Variants in MMP11 observed in about 807,000 individuals in gnomAD.
The protein encoded by MMP11 is matrix metallopeptidase 11, also known as stromelysin-3.
A neutral mutation model predicts 49.5 loss-of-function variants in MMP11; 26 were observed. The observed-to-expected ratio is 0.52, with a 90% CI of 0.38 to 0.73. The LOEUF is 0.73. MMP11 is among the 30% of genes least tolerant of loss of function. The probability of loss-of-function intolerance (pLI) is 0.00; values close to 1 mark genes in which losing one functional copy is unlikely to be tolerated. For missense variants in MMP11, 624 were observed against 671.2 expected (o/e 0.93, Z 0.78); for synonymous variants, 265 against 282.3 (o/e 0.94, Z 0.62).
intron 6 of MMP11, chr22:23,781,760 G>C (rs1927642499): frequency 1.6e-6 from 1 of 611,646 alleles, no homozygotes; most frequent in African/African-American, 1.8e-5. Context: ...AGGCAGGGCA[G>C]GGAATTGATC....
At position 23,780,685 on chromosome 22, in the gene MMP11, G is replaced by T; in HGVS notation, c.586G>T (p.Asp196Tyr). 1 of 1,572,186 alleles carries T rather than the reference G, an allele frequency of 6.4e-7. No individual in the cohort carries two copies. Among genetic ancestry groups the T allele is most frequent in the Non-Finnish European group, 8.6e-7 (1 of 1,161,840 alleles). ...AGAAGGGGATGTCCACTTCGACTATGATGAGACCTGGACTATCGGGGATGA... is the reference window on the plus strand; with the variant it reads ...AGAAGGGGATGTCCACTTCGACTATTATGAGACCTGGACTATCGGGGATGA... ...HREGDVHFDY[D>Y]ETWTIGDDQG... The change falls in exon 4 of 8, where the codon GAT (aspartate) becomes TAT (tyrosine). Residue 196 changes from aspartate (D) to tyrosine (Y), a missense_variant. Transcript: ENST00000215743. The surrounding 1 kb of genome is among the most constrained non-coding windows in gnomAD (Gnocchi z 4.6).
Position 23,779,401 on chromosome 22 carries a change from C to G in MMP11, c.323C>G (p.Thr108Arg), listed in dbSNP as rs149825656. 1.9e-5 allele frequency: 30 copies of G among 1,611,532 alleles called. No individual in the cohort carries two copies. Among genetic ancestry groups the G allele is most frequent in the Non-Finnish European group, 2.5e-5 (30 of 1,179,322 alleles). ...CTTTCTGGCGGGCGCTGGGAGAAGA[C>G]GGACCTCACCTACAGGTAGGGGCCT... ...FVLSGGRWEKTDLTYRILRFP... is the reference protein window; with the variant it reads ...FVLSGGRWEKRDLTYRILRFP... The change falls in exon 2 of 8, where the codon ACG becomes AGG. Residue 108 changes from threonine to arginine, a missense_variant. Transcript: ENST00000215743.
In MMP11 at chr22:23,781,309, G is replaced by A; in HGVS notation, c.975G>A (p.Gln325=). Residue 325 remains glutamine (Q), a synonymous_variant, in exon 6 of 8, where the codon CAG becomes CAA. Coordinates refer to ENST00000215743, the MANE Select transcript of MMP11 (RefSeq NM_005940.5). ...FVWRLRGGQL[Q]PGYPALASRH... ...GGCGCCTCCGTGGGGGCCAGCTGCA[G>A]CCCGGCTACCCAGCATTGGCCTCTC... 6.2e-7 allele frequency: 1 copy of A among 1,613,000 alleles called. No homozygotes were observed. The highest frequency in any genetic ancestry group is 8.5e-7 in the Non-Finnish European group (1 of 1,179,976).
In MMP11 at chr22:23,781,398, G is replaced by T; in HGVS notation, c.1064G>T (p.Trp355Leu). The T allele has an allele frequency of 6.2e-7, 1 of 1,603,970 alleles. No homozygotes were observed. Among genetic ancestry groups the T allele is most frequent in the Non-Finnish European group, 8.5e-7 (1 of 1,175,198 alleles). The change falls in exon 6 of 8, where the codon TGG becomes TTG. Residue 355 changes from tryptophan (W) to leucine (L), a missense_variant. Trp to Leu is a moderately conservative substitution (Grantham distance 61). Coordinates refer to ENST00000215743, the MANE Select transcript of MMP11 (RefSeq NM_005940.5). ...AAFEDAQGHIWFFQGAQYWVY... is the reference protein window; with the variant it reads ...AAFEDAQGHILFFQGAQYWVY... ...TTCGAGGATGCCCAGGGCCACATTT[G>T]GTTCTTCCAAGGTGAGTGGGGGTTG...
chr22:23,779,335 C>A lies in MMP11; in HGVS notation c.257C>A (p.Ser86Tyr). Residue 86 changes from serine to tyrosine, a missense_variant, in exon 2 of 8, where the codon TCT (serine) becomes TAT (tyrosine). By Grantham distance (144) the Ser-to-Tyr change is moderately radical. Coordinates refer to ENST00000215743, the MANE Select transcript of MMP11 (RefSeq NM_005940.5). ...CCCCGCTGTGGCGTGCCCGACCCAT[C>A]TGATGGGCTGAGTGCCCGCAACCGA... ...RPPRCGVPDP[S>Y]DGLSARNRQK... 2 of 1,613,058 alleles carry A rather than the reference C, an allele frequency of 1.2e-6. No homozygotes were observed. The highest frequency in any genetic ancestry group is 1.7e-6 in the Non-Finnish European group (2 of 1,179,946).
In MMP11 at chr22:23,777,319, G is replaced by A. The variant is rs566888465; in HGVS notation, c.109-1868G>A. The stretch of plus-strand genomic sequence containing the variant: ...GCGGTGGCGCATGCTTGTAATCCCA[G>A]CACTTTGGGAGGCCGAGGCAGGCGG... On this transcript the variant is annotated intron_variant, in intron 1 of 7. Transcript: ENST00000215743. Among the ~76,000 whole-genome samples, 9 of 151,332 alleles carry A rather than the reference G, an allele frequency of 5.9e-5. No homozygotes were observed. In the East Asian group the frequency reaches 1.6e-3, roughly 26 times the overall value.
Position 23,772,849 on chromosome 22 carries a change from A to AAGCCCAGC in MMP11, c.-16_-9dup. The AAGCCCAGC allele has an allele frequency of 1.7e-6, 2 of 1,147,596 alleles. No individual in the cohort carries two copies. The highest frequency in any genetic ancestry group is 2.1e-6 in the Non-Finnish European group (2 of 933,900). The allele number at this position is 1,147,596 out of a possible 1,614,324, so 71.1% of individuals were successfully genotyped here. Reference sequence around the variant, plus strand: ...GGGCGGCGGCCCGGAGCGGCCCAGCAAGCCCAGCAGCCCCGGGGCGGATGG... The same window carrying AAGCCCAGC: ...GGGCGGCGGCCCGGAGCGGCCCAGCAAGCCCAGCAGCCCAGCAGCCCCGGGGCGGATGG... On this transcript the variant is annotated 5_prime_UTR_variant, in exon 1 of 8. Coordinates refer to ENST00000215743, the MANE Select transcript of MMP11 (RefSeq NM_005940.5).
In MMP11 at chr22:23,783,545, C is replaced by T. The variant is rs561444902; in HGVS notation, c.*1C>T. The T allele has an allele frequency of 3.0e-5, 49 of 1,614,196 alleles. 1 individual carries two copies. The Middle Eastern group carries it at 5.0e-4, about 16-fold the overall frequency. ...CGAGCCTGCCAACACTTTCCTCTGA[C>T]CATGGCTTGGATGCCCTCAGGGGTG... is the stretch of plus-strand genomic sequence containing the variant. On this transcript the variant is annotated 3_prime_UTR_variant, in exon 8 of 8. Transcript: ENST00000215743.
intron 1 of MMP11, among the ~76,000 whole-genome samples, chr22:23,776,797 C>T (rs1927424118): frequency 6.7e-6 from 1 of 150,266 alleles, no homozygotes; most frequent in African/African-American, 2.5e-5. Context: ...AGCCTGCAAC[C>T]AGTGCTAAGT....
At chr22:23,775,210 T>C (rs935809648) in intron 1 of MMP11, among the ~76,000 whole-genome samples, 1 of 152,230 alleles carries the variant, frequency 6.6e-6, no homozygotes, top group Non-Finnish European at 1.5e-5. Context: ...CATGACTTGC[T>C]GTGTGACCCC....
At position 23,783,701 on chromosome 22, in the gene MMP11, G is replaced by T. The variant is rs753481136; in HGVS notation, c.*157G>T. 2 of 994,290 alleles carry T rather than the reference G, an allele frequency of 2.0e-6. No individual in the cohort carries two copies. Among genetic ancestry groups the T allele is most frequent in the East Asian group, 5.1e-5 (2 of 39,532 alleles). The allele number at this position is 994,290 out of a possible 1,614,324, so 61.6% of individuals were successfully genotyped here. A position where few individuals can be genotyped will look rare whatever the true frequency, so the allele number is the denominator to read the frequency against. ...GTGGGGTACAACCACCATGACAACT[G>T]CCGGGAGGGCCACGCAGGTCGTGGT... On this transcript the variant is annotated 3_prime_UTR_variant, in exon 8 of 8. Coordinates refer to ENST00000215743, the MANE Select transcript of MMP11 (RefSeq NM_005940.5).
chr22:23,782,885 C>G (rs1015625422), intron 7 of MMP11, among the ~76,000 whole-genome samples: 1 of 152,114 alleles, frequency 6.6e-6, no homozygotes, highest in Non-Finnish European at 1.5e-5. Context: ...CCTGGACTAC[C>G]CTGGTGGTCC....
chr22:23,778,230 G>A (rs1315076057), intron 1 of MMP11, among the ~76,000 whole-genome samples: 1 of 152,246 alleles, frequency 6.6e-6, no homozygotes, highest in Non-Finnish European at 1.5e-5. Context: ...GCCTGGCCTT[G>A]CCATGCCCTT....
intron 7 of MMP11, 45 bp downstream of exon 7, chr22:23,782,528 C>T (rs992976268): frequency 1.7e-5 from 27 of 1,559,052 alleles, no homozygotes; most frequent in East Asian, 4.7e-5. Context: ...GCACAGCAGC[C>T]GCTTCTCCCA....
At position 23,782,482 on chromosome 22, in the gene MMP11, T is replaced by C. The variant is rs1207786452; in HGVS notation, c.1332T>C (p.Asp444=). Residue 444 remains aspartate, a splice_region_variant and synonymous_variant, in exon 7 of 8, where the codon GAT becomes GAC. Transcript: ENST00000215743. ...SEIDAAFQDA[D]GYAYFLRGRL... is the part of the protein sequence containing the mutation. ...TCGACGCTGCCTTCCAGGATGCTGATGGTGCGTTGGGGGTGAGGCAGCTGG... is the reference window on the plus strand; with the variant it reads ...TCGACGCTGCCTTCCAGGATGCTGACGGTGCGTTGGGGGTGAGGCAGCTGG... 1.2e-6 allele frequency: 2 copies of C among 1,607,654 alleles called. No homozygotes were observed.
Position 23,782,367 on chromosome 22 carries a change from G to A in MMP11, c.1217G>A (p.Arg406Lys). 6.2e-7 allele frequency: 1 copy of A among 1,614,036 alleles called. No individual in the cohort carries two copies. The highest frequency in any genetic ancestry group is 1.3e-5 in the African/African-American group (1 of 75,026). The stretch of plus-strand genomic sequence containing the variant: ...AACAAGATCTACTTCTTCCGAGGCA[G>A]GGACTACTGGCGTTTCCACCCCAGC... ...EKNKIYFFRGRDYWRFHPSTR... is the reference protein window; with the variant it reads ...EKNKIYFFRGKDYWRFHPSTR... Residue 406 changes from arginine (R) to lysine (K), a missense_variant, in exon 7 of 8, where the codon AGG (arginine) becomes AAG (lysine). Physicochemically the swap from Arg to Lys is conservative, Grantham distance 26. Transcript: ENST00000215743.
rs775074646 is a variant in MMP11, at chr22:23,772,915, C to T, written c.45C>T (p.Leu15=). The change falls in exon 1 of 8, where the codon CTC becomes CTT. Residue 15 remains leucine, a synonymous_variant. Transcript: ENST00000215743. The part of the protein sequence containing the change: ...AWLRSAAARA[L]LPPMLLLLLQ... The stretch of plus-strand genomic sequence containing the variant: ...TCCGCAGCGCGGCCGCGCGCGCCCT[C>T]CTGCCCCCGATGCTGCTGCTGCTGC... 13 of 1,197,558 alleles carry T rather than the reference C, an allele frequency of 1.1e-5. No individual in the cohort carries two copies. Among genetic ancestry groups the T allele is most frequent in the Admixed American group, 4.2e-5 (1 of 23,988 alleles). The allele number at this position is 1,197,558 out of a possible 1,614,324, so 74.2% of individuals were successfully genotyped here. A position where few individuals can be genotyped will look rare whatever the true frequency, so the allele number is the denominator to read the frequency against.
At chr22:23,777,050 G>A (rs1477950361) in intron 1 of MMP11, among the ~76,000 whole-genome samples, 21 of 150,144 alleles carry the variant, frequency 1.4e-4, no homozygotes, top group Non-Finnish European at 1.8e-4. Flanking sequence ...CTCATGATCC[G>A]CCTGCCTCGG....
At chr22:23,779,744 C>T (rs113111716) in intron 2 of MMP11, 83 of 411,410 alleles carry the variant, frequency 2.0e-4, no homozygotes, top group African/African-American at 1.2e-3. Context: ...TGGGACTCCA[C>T]GGTGAATGAG....
Sources: allele counts gnomAD v4.1 joint callset (sites outside exome capture counted in the v4.1 genomes callset), GRCh38; gene constraint gnomAD v4.1.1; non-coding constraint Gnocchi (gnomAD v3.1); transcripts MANE v1.5; gene names NCBI Gene and HGNC (gene_info 2026-07-23, HGNC 2026-07-21).